KAZN: variants seen among roughly 807,000 people sequenced by gnomAD.
The protein encoded by KAZN is kazrin, periplakin interacting protein, also known as kazrin.
Under a neutral mutation model 87.4 loss-of-function variants are expected in KAZN, and 40 were observed. That is an observed-to-expected ratio of 0.46 (90% CI 0.36 to 0.60). KAZN has a LOEUF of 0.60. Ranked by LOEUF, KAZN falls within the 20% of genes least tolerant of loss-of-function variation. KAZN has a pLI of 0.00. For synonymous variants in KAZN, 466 were observed against 458.3 expected, an observed-to-expected ratio of 1.02 and a Z score of -0.22; for missense variants, 898 against 1,073.9, an observed-to-expected ratio of 0.84 and a Z score of 2.29.
intron 8 of KAZN, chr1:15,067,044 G>T: frequency 6.1e-6 from 6 of 985,694 alleles, no homozygotes; most frequent in Non-Finnish European, 7.2e-6. Context: ...GGTACGACCA[G>T]TGGGACCCTG....
At chr1:15,042,170 T>C (rs1347951972) in intron 3 of KAZN, among the ~76,000 whole-genome samples, 1 of 152,172 alleles carries the variant, frequency 6.6e-6, no homozygotes, top group Non-Finnish European at 1.5e-5. Flanking sequence ...ACAAAAATGA[T>C]CCTGAGGGAC....
At chr1:14,164,668 G>A (rs1645785182) in intron 1 of KAZN, among the ~76,000 whole-genome samples, 1 of 150,364 alleles carries the variant, frequency 6.7e-6, no homozygotes, top group African/African-American at 2.4e-5. Flanking sequence ...AGCCTCCGAA[G>A]TAGCCAGGAT....
intron 1 of KAZN, among the ~76,000 whole-genome samples, chr1:14,755,874 G>T (rs770928603): frequency 6.6e-6 from 1 of 152,196 alleles, no homozygotes; most frequent in Non-Finnish European, 1.5e-5. Flanking sequence ...GGCACACAAA[G>T]CCACCTCTTG....
chr1:13,893,768 G>A (rs372163254), intron 1 of KAZN: 7 of 1,550,176 alleles, frequency 4.5e-6, no homozygotes, highest in Admixed American at 3.9e-5. Flanking sequence ...TAGGAATTGC[G>A]TCGTGTGTCA....
At chr1:14,268,525 T>A (rs1385981758) in intron 2 of KAZN, among the ~76,000 whole-genome samples, 1 of 151,558 alleles carries the variant, frequency 6.6e-6, no homozygotes, top group Non-Finnish European at 1.5e-5. Flanking sequence ...AGGAAGGGGT[T>A]AACCAAGTGA....
intron 1 of KAZN, among the ~76,000 whole-genome samples, chr1:14,715,268 A>G (rs1642729864): frequency 6.6e-6 from 1 of 152,210 alleles, no homozygotes; most frequent in African/African-American, 2.4e-5. Flanking sequence ...GGAAAAGGCC[A>G]AAGGCTTAGG....
intron 1 of KAZN, among the ~76,000 whole-genome samples, chr1:14,629,027 A>G (rs1228517859): frequency 6.6e-6 from 1 of 151,716 alleles, no homozygotes; most frequent in Non-Finnish European, 1.5e-5. Context: ...TTGTGTTTTT[A>G]CTGGAGACGG....
At chr1:14,612,960 T>G (rs1224173914) in intron 1 of KAZN, among the ~76,000 whole-genome samples, 1 of 152,184 alleles carries the variant, frequency 6.6e-6, no homozygotes, top group Admixed American at 6.5e-5. Context: ...GACTTACTAA[T>G]AAAACCACTT....
intron 2 of KAZN, among the ~76,000 whole-genome samples, chr1:14,437,373 C>T (rs1666455427): frequency 6.6e-6 from 1 of 152,184 alleles, no homozygotes; most frequent in Non-Finnish European, 1.5e-5. Context: ...AAGAGCTCAG[C>T]TTCCCTTTCA....
intron 2 of KAZN, among the ~76,000 whole-genome samples, chr1:14,487,218 T>C (rs1314209924): frequency 6.6e-6 from 1 of 152,212 alleles, no homozygotes; most frequent in East Asian, 1.9e-4. Context: ...GACCTGGTTT[T>C]TTGGGGACAC....
intron 2 of KAZN, among the ~76,000 whole-genome samples, chr1:14,515,786 T>C (rs756839562): frequency 2.6e-5 from 4 of 152,160 alleles, no homozygotes; most frequent in Middle Eastern, 3.2e-3. Context: ...TTTTATAACC[T>C]ATCAGTCTGC....
At chr1:14,588,585 T>C (rs1355918452) in intron 2 of KAZN, among the ~76,000 whole-genome samples, 1 of 152,198 alleles carries the variant, frequency 6.6e-6, no homozygotes, top group African/African-American at 2.4e-5. Context: ...AGGGCTCCGT[T>C]TGCCTGAGAG....
chr1:14,567,856 C>G (rs142509887), intron 2 of KAZN, among the ~76,000 whole-genome samples: 36 of 152,272 alleles, frequency 2.4e-4, no homozygotes, highest in African/African-American at 8.7e-4. Context: ...TTTTACTCCC[C>G]CATTTTACTT....
chr1:14,651,544 G>C (rs1011052263), intron 1 of KAZN, among the ~76,000 whole-genome samples: 6 of 152,200 alleles, frequency 3.9e-5, no homozygotes, highest in African/African-American at 1.4e-4. Flanking sequence ...TAGCCCCATA[G>C]TGGACCCTGG....
intron 1 of KAZN, among the ~76,000 whole-genome samples, chr1:14,663,121 T>C (rs966302026): frequency 6.6e-6 from 1 of 151,794 alleles, no homozygotes; most frequent in Admixed American, 6.6e-5. Context: ...CAGGCGTGCA[T>C]CACCATGCCT....
intron 1 of KAZN, among the ~76,000 whole-genome samples, chr1:14,950,149 T>C (rs1226303648): frequency 6.6e-6 from 1 of 152,060 alleles, no homozygotes; most frequent in Non-Finnish European, 1.5e-5. Flanking sequence ...GAAGAAACCC[T>C]GTGGAGGAGT....
chr1:14,240,124 A>C (rs1243124749), intron 2 of KAZN, among the ~76,000 whole-genome samples: 1 of 152,234 alleles, frequency 6.6e-6, no homozygotes, highest in Non-Finnish European at 1.5e-5. Flanking sequence ...TGTATGGTCC[A>C]ATGTTCAGAG....
intron 2 of KAZN, among the ~76,000 whole-genome samples, chr1:14,503,252 G>A (rs976317911): frequency 1.1e-4 from 17 of 151,874 alleles, no homozygotes; most frequent in Admixed American, 6.6e-4. Flanking sequence ...GGGAGGCTAA[G>A]GCAGGCGGAT....
chr1:14,164,157 G>A (rs1645769846), intron 1 of KAZN, among the ~76,000 whole-genome samples: 1 of 152,146 alleles, frequency 6.6e-6, no homozygotes, highest in Non-Finnish European at 1.5e-5. Flanking sequence ...GGTTAAAACA[G>A]CAATAACCTT....
Sources: gnomAD v4.1 joint callset for allele counts (sites outside exome capture counted in the v4.1 genomes callset) on GRCh38, gnomAD v4.1.1 for gene constraint, MANE v1.5 for transcripts, NCBI Gene and HGNC (gene_info 2026-07-23, HGNC 2026-07-21) for gene names.